NGFR: variants seen among roughly 807,000 people sequenced by gnomAD.
NGFR encodes nerve growth factor receptor.
A neutral mutation model predicts 43.2 loss-of-function variants in NGFR; 30 were observed. The observed-to-expected ratio is 0.69, with a 90% CI of 0.52 to 0.94. The LOEUF is 0.94. Ranked by LOEUF, NGFR falls within the 40% of genes least tolerant of loss-of-function variation. NGFR has a pLI of 0.00. For missense variants in NGFR, 529 were observed against 602.5 expected, an observed-to-expected ratio of 0.88 and a Z score of 1.28; for synonymous variants, 246 against 259.6, an observed-to-expected ratio of 0.95 and a Z score of 0.50.
At chr17:49,502,018 C>CCCCCCCAT in intron 1 of NGFR, 45 bp from the exon 2 acceptor site, 1 of 1,320,356 alleles carries the variant, frequency 7.6e-7, no homozygotes, top group Non-Finnish European at 1.0e-6. Context: ...CAACCCACCC[C>CCCCCCCAT]AGCTTTCTCT....
chr17:49,496,174 G>C (rs1406690471), intron 1 of NGFR: 2 of 152,790 alleles, frequency 1.3e-5, no homozygotes, highest in African/African-American at 4.8e-5. Context: ...GACAGAGCGG[G>C]GCGCGGACCC....
At chr17:49,509,877 G>A (rs1358664488) in intron 3 of NGFR, among the ~76,000 whole-genome samples, 1 of 152,178 alleles carries the variant, frequency 6.6e-6, no homozygotes, top group African/African-American at 2.4e-5. Flanking sequence ...GTGGTGTGGG[G>A]GAAGCACCTC....
chr17:49,499,610 C>T (rs1007437334), intron 1 of NGFR, among the ~76,000 whole-genome samples: 63 of 152,018 alleles, frequency 4.1e-4, no homozygotes, highest in African/African-American at 1.4e-3. Flanking sequence ...TATTTTGAGA[C>T]GGACTGTCAC....
At chr17:49,511,115 TAAA>T (rs34854378) in intron 4 of NGFR, 49 of 129,838 alleles carry the variant, frequency 3.8e-4, no homozygotes, top group East Asian at 1.0e-3. Context: ...CCATTCTTTC[TAAA>T]AAAAAAAAAA....
At chr17:49,502,240 G>A (rs1465803228) in intron 2 of NGFR, 36 bp downstream of exon 2, 4 of 1,562,430 alleles carry the variant, frequency 2.6e-6, no homozygotes, top group South Asian at 1.2e-5. Context: ...GAGGGGAGAA[G>A]AATGGGAGGG....
intron 3 of NGFR, among the ~76,000 whole-genome samples, chr17:49,508,858 G>A (rs549846864): frequency 6.6e-6 from 1 of 152,292 alleles, no homozygotes; most frequent in South Asian, 2.1e-4. Context: ...CCCCTACCAT[G>A]CTCTGATCTC....
In NGFR at chr17:49,506,621, C is replaced by T. The variant is rs547403596; in HGVS notation, c.531C>T (p.Leu177=). 6.3e-7 allele frequency: 1 copy of T among 1,591,260 alleles called. No individual in the cohort carries two copies. The highest frequency in any genetic ancestry group is 2.3e-5 in the East Asian group (1 of 44,008). The change falls in exon 3 of 6, where the codon CTC becomes CTT. Residue 177 remains leucine (L), a synonymous_variant. Coordinates refer to ENST00000172229, the MANE Select transcript of NGFR (RefSeq NM_002507.4). ...TGTGCGAGGACACCGAGCGCCAGCT[C>T]CGCGAGTGCACACGCTGGGCCGACG... The part of the protein sequence containing the change: ...CTVCEDTERQ[L]RECTRWADAE...
Position 49,512,592 on chromosome 17 carries a change from A to G in NGFR, c.983-116A>G. ...CCACCCAGGACCTTGTCTTGGCCCC[A>G]GGCCTCCAGATGGGGAGGAGCACTG... On this transcript the variant is annotated intron_variant, in intron 5 of 5. Transcript: ENST00000172229. This position sits in a 1 kb window ranked among gnomAD's most constrained non-coding sequence, Gnocchi z 5.2. 3 of 1,331,896 alleles carry G rather than the reference A, an allele frequency of 2.3e-6. No homozygotes were observed. The highest frequency in any genetic ancestry group is 3.1e-6 in the Non-Finnish European group (3 of 973,906). 82.5% of individuals were successfully genotyped at this position (1,331,896 alleles called of 1,614,324 possible).
Position 49,512,612 on chromosome 17 carries a change from G to A in NGFR, c.983-96G>A. 1 of 1,442,106 alleles carries A rather than the reference G, an allele frequency of 6.9e-7. No individual in the cohort carries two copies. Among genetic ancestry groups the A allele is most frequent in the Admixed American group, 2.3e-5 (1 of 43,008 alleles). 89.3% of individuals were successfully genotyped at this position (1,442,106 alleles called of 1,614,324 possible). ...GCCCCAGGCCTCCAGATGGGGAGGA[G>A]CACTGCCTCGGCCCTTCTTGGGTCT... On this transcript the variant is annotated intron_variant, in intron 5 of 5. Coordinates refer to ENST00000172229, the MANE Select transcript of NGFR (RefSeq NM_002507.4). The surrounding 1 kb of genome is among the most constrained non-coding windows in gnomAD (Gnocchi z 5.2).
At chr17:49,500,507 A>T (rs1567737929) in intron 1 of NGFR, among the ~76,000 whole-genome samples, 1 of 152,218 alleles carries the variant, frequency 6.6e-6, no homozygotes, top group Non-Finnish European at 1.5e-5. Flanking sequence ...AACAGGCTGG[A>T]TGCGTAACAT....
intron 1 of NGFR, 54 bp from the exon 2 acceptor site, chr17:49,502,009 A>ACC: frequency 6.0e-6 from 1 of 165,870 alleles, no homozygotes; most frequent in Non-Finnish European, 1.1e-5. Context: ...AACCCCCCCC[A>ACC]ACCCACCCCA....
At chr17:49,508,809 G>A (rs527556410) in intron 3 of NGFR, among the ~76,000 whole-genome samples, 14 of 152,234 alleles carry the variant, frequency 9.2e-5, no homozygotes, top group African/African-American at 2.9e-4. Flanking sequence ...AGTCAGTGCC[G>A]CCTCTGGTCT....
chr17:49,514,328 T>C lies in NGFR; in HGVS notation c.*1319T>C, dbSNP rs741071. On this transcript the variant is annotated 3_prime_UTR_variant, in exon 6 of 6. Transcript: ENST00000172229. ...GGGGTTGGCTGGGCCCAGAAGGTTGTGATGAAGAAAAGTGGGCCAGTGTGG... is the reference window on the plus strand; with the variant it reads ...GGGGTTGGCTGGGCCCAGAAGGTTGCGATGAAGAAAAGTGGGCCAGTGTGG... The C allele has an allele frequency of 0.52, 80,796 of 154,072 alleles. 21,672 individuals are homozygous for C. Among genetic ancestry groups the C allele is most frequent in the South Asian group, 0.68 (3,318 of 4,846 alleles). The allele number at this position is 154,072 out of a possible 1,614,324, so 9.5% of individuals were successfully genotyped here.
At chr17:49,509,816 G>C (rs1160717868) in intron 3 of NGFR, among the ~76,000 whole-genome samples, 2 of 152,208 alleles carry the variant, frequency 1.3e-5, no homozygotes, top group African/African-American at 4.8e-5. Context: ...TTCCACCCAA[G>C]CCTAGAGCCT....
chr17:49,505,117 C>T lies in NGFR; in HGVS notation c.209-1182C>T, dbSNP rs188033334. On this transcript the variant is annotated intron_variant, in intron 2 of 5. Coordinates refer to ENST00000172229, the MANE Select transcript of NGFR (RefSeq NM_002507.4). ...TTTCACTTCTCTCTGGCTTTTCCTT[C>T]TTTGCCTCCTCATCCCCCCACCACA... Among the ~76,000 whole-genome samples the T allele has an allele frequency of 2.4e-3, 362 of 152,154 alleles. 2 individuals carry two copies. Among genetic ancestry groups the T allele is most frequent in the African/African-American group, 8.2e-3 (341 of 41,498 alleles).
Position 49,512,657 on chromosome 17 carries a change from G to A in NGFR, c.983-51G>A. On this transcript the variant is annotated intron_variant, in intron 5 of 5. Coordinates refer to ENST00000172229, the MANE Select transcript of NGFR (RefSeq NM_002507.4). The surrounding 1 kb of genome is among the most constrained non-coding windows in gnomAD (Gnocchi z 5.2). The stretch of plus-strand genomic sequence containing the variant: ...GGGTCTCACCCCAGTGCCCACTGTT[G>A]GGGAAAGGAGTTCAGGGGTAGGACC... 2 of 1,527,022 alleles carry A rather than the reference G, an allele frequency of 1.3e-6. No individual in the cohort carries two copies. The highest frequency in any genetic ancestry group is 1.3e-5 in the South Asian group (1 of 77,392). The allele number at this position is 1,527,022 out of a possible 1,614,324, so 94.6% of individuals were successfully genotyped here. A position where few individuals can be genotyped will look rare whatever the true frequency, so the allele number is the denominator to read the frequency against.
In NGFR at chr17:49,506,643, G is replaced by C. The variant is rs373636605; in HGVS notation, c.553G>C (p.Asp185His). The C allele has an allele frequency of 1.3e-6, 2 of 1,543,748 alleles. No individual in the cohort carries two copies. The highest frequency in any genetic ancestry group is 1.7e-6 in the Non-Finnish European group (2 of 1,144,492). Residue 185 changes from aspartate to histidine, a missense_variant, in exon 3 of 6, where the codon GAC (aspartate) becomes CAC (histidine). Transcript: ENST00000172229. ...RQLRECTRWADAECEEIPGRW... is the reference protein window; with the variant it reads ...RQLRECTRWAHAECEEIPGRW... Reference sequence around the variant, plus strand: ...GCTCCGCGAGTGCACACGCTGGGCCGACGCCGAGTGCGAGGGTGAGTGCGG... The same window carrying C: ...GCTCCGCGAGTGCACACGCTGGGCCCACGCCGAGTGCGAGGGTGAGTGCGG...
At chr17:49,510,933 C>A in intron 4 of NGFR, 1 of 487,086 alleles carries the variant, frequency 2.1e-6, no homozygotes, top group East Asian at 3.6e-5. Context: ...TGACTCCCCA[C>A]CCCCAACTGC....
intron 2 of NGFR, among the ~76,000 whole-genome samples, chr17:49,502,586 G>C (rs1228134813): frequency 6.6e-6 from 1 of 152,156 alleles, no homozygotes; most frequent in Non-Finnish European, 1.5e-5. Flanking sequence ...GGTGTGTTTG[G>C]GGGAAGGGAG....
Sources: allele counts gnomAD v4.1 joint callset (sites outside exome capture counted in the v4.1 genomes callset), GRCh38; gene constraint gnomAD v4.1.1; non-coding constraint Gnocchi (gnomAD v3.1); transcripts MANE v1.5; gene names NCBI Gene and HGNC (gene_info 2026-07-23, HGNC 2026-07-21).